TUBA3C: variants seen among roughly 807,000 people sequenced by gnomAD.
TUBA3C encodes the protein tubulin alpha 3c.
TUBA3C carries 23 observed loss-of-function variants against 33.4 expected under a neutral mutation model. The ratio of observed to expected loss-of-function variants is 0.69; its 90% CI spans 0.50 to 0.98. TUBA3C has a LOEUF of 0.98. TUBA3C is among the 50% of genes least tolerant of loss of function. TUBA3C has a pLI of 0.00. For synonymous variants in TUBA3C, 269 were observed against 250.4 expected (o/e 1.07, Z -0.70); for missense variants, 402 against 616.0 (o/e 0.65, Z 3.68).
chr13:19,179,980 G>A (rs1256594001), intron 1 of TUBA3C, among the ~76,000 whole-genome samples: 1 of 152,150 alleles, frequency 6.6e-6, no homozygotes, highest in Admixed American at 6.6e-5. Flanking sequence ...GGTCACTGTG[G>A]TCCAAGCCCA....
chr13:19,175,688 G>A (rs1180563343), intron 4 of TUBA3C, among the ~76,000 whole-genome samples: 1 of 152,202 alleles, frequency 6.6e-6, no homozygotes, highest in East Asian at 1.9e-4. Context: ...ACAGCAGAGT[G>A]GGGTAGGTGT....
At position 19,177,281 on chromosome 13, in the gene TUBA3C, G is replaced by A. The variant is rs142245280; in HGVS notation, c.702C>T (p.Ile234=). ...YTNLNRLIGQ[I]VSSITASLRF... ...GCAGGGAGGCCGTGATGGAGGACACGATCTGCCCAATCAGGCGATTGAGGT... is the reference window on the plus strand; with the variant it reads ...GCAGGGAGGCCGTGATGGAGGACACAATCTGCCCAATCAGGCGATTGAGGT... The change falls in exon 4 of 5, where the codon ATC becomes ATT. Residue 234 remains isoleucine, a synonymous_variant. Transcript: ENST00000400113. This position sits in a 1 kb window ranked among gnomAD's most constrained non-coding sequence, Gnocchi z 5.0. 6.2e-5 allele frequency: 100 copies of A among 1,614,122 alleles called. No homozygotes were observed. In the African/African-American group the frequency reaches 6.5e-4, roughly 11 times the overall value.
In TUBA3C at chr13:19,177,870, A is replaced by G. The variant is rs572073201; in HGVS notation, c.376-263T>C. ...TGTTTTTTTTTTTTTTTTTTTAGAT[A>G]GAATCTCACTCTGTTGCCCAGGCCG... is the stretch of plus-strand genomic sequence containing the variant. On this transcript the variant is annotated intron_variant, in intron 3 of 4. Transcript: ENST00000400113. The surrounding 1 kb of genome is among the most constrained non-coding windows in gnomAD (Gnocchi z 5.0). Among the ~76,000 whole-genome samples, 21 of 129,798 alleles carry G rather than the reference A, an allele frequency of 1.6e-4. No homozygotes were observed. The highest frequency in any genetic ancestry group is 5.5e-4 in the African/African-American group (20 of 36,666). 85.2% of individuals were successfully genotyped at this position (129,798 alleles called of 152,430 possible).
At chr13:19,181,383 C>G (rs1869411171) in intron 1 of TUBA3C, among the ~76,000 whole-genome samples, 2 of 152,158 alleles carry the variant, frequency 1.3e-5, no homozygotes, top group South Asian at 4.1e-4. Flanking sequence ...TGGGGCTCCT[C>G]AGTGGTTTCC....
chr13:19,181,472 C>T (rs17076886), intron 1 of TUBA3C, among the ~76,000 whole-genome samples: 12,277 of 152,164 alleles, frequency 0.081, 611 homozygotes, highest in African/African-American at 0.13. Flanking sequence ...ACTGTTTGCT[C>T]TCTGGGGGAC....
rs1869274754 is a variant in TUBA3C, at chr13:19,178,323, C to T, written c.298G>A (p.Ala100Thr). ...EQLITGKEDA[A>T]NNYARGHYTI... ...TAATGGCCTCTGGCGTAATTATTGG[C>T]CGCATCTTCCTTCCCGGTGATCAGC... The change falls in exon 3 of 5, where the codon GCC becomes ACC. Residue 100 changes from alanine to threonine, a missense_variant. Physicochemically the swap from Ala to Thr is moderately conservative, Grantham distance 58. Coordinates refer to ENST00000400113, the MANE Select transcript of TUBA3C (RefSeq NM_006001.3). The T allele has an allele frequency of 6.2e-7, 1 of 1,614,066 alleles. No homozygotes were observed. Among genetic ancestry groups the T allele is most frequent in the Non-Finnish European group, 8.5e-7 (1 of 1,180,042 alleles).
chr13:19,174,688 C>T (rs1014787043), intron 4 of TUBA3C, among the ~76,000 whole-genome samples: 3 of 152,156 alleles, frequency 2.0e-5, no homozygotes. Flanking sequence ...AAAACAGCAA[C>T]AGGTGCAGTG....
Position 19,178,232 on chromosome 13 carries a change from C to G in TUBA3C, c.375+14G>C, listed in dbSNP as rs767750955. 9.3e-6 allele frequency: 15 copies of G among 1,613,830 alleles called. No individual in the cohort carries two copies. The highest frequency in any genetic ancestry group is 1.3e-5 in the African/African-American group (1 of 74,932). On this transcript the variant is annotated intron_variant, in intron 3 of 4. Coordinates refer to ENST00000400113, the MANE Select transcript of TUBA3C (RefSeq NM_006001.3). Reference sequence around the variant, plus strand: ...TGTGCAGGACAATGGTCACATGAAGCCTTCTCTTCTTACCAGTTTGCGGAT... The same window carrying G: ...TGTGCAGGACAATGGTCACATGAAGGCTTCTCTTCTTACCAGTTTGCGGAT...
chr13:19,180,705 C>T (rs1041623039), intron 1 of TUBA3C, among the ~76,000 whole-genome samples: 1 of 151,966 alleles, frequency 6.6e-6, no homozygotes, highest in Non-Finnish European at 1.5e-5. Context: ...CCGTGTTAGC[C>T]AGGATGGTCT....
chr13:19,181,386 T>C (rs1278525506), intron 1 of TUBA3C, among the ~76,000 whole-genome samples: 1 of 152,116 alleles, frequency 6.6e-6, no homozygotes, highest in African/African-American at 2.4e-5. Context: ...GGCTCCTCAG[T>C]GGTTTCCAAT....
At position 19,177,524 on chromosome 13, in the gene TUBA3C, G is replaced by A. The variant is rs368363457; in HGVS notation, c.459C>T (p.Leu153=). 6.2e-7 allele frequency: 1 copy of A among 1,613,996 alleles called. No homozygotes were observed. ...GGTGSGFASL[L]MERLSVDYGK... ...CGTAATCCACTGAGAGCCGCTCCATGAGCAGAGATGCGAACCCAGAGCCAG... is the reference window on the plus strand; with the variant it reads ...CGTAATCCACTGAGAGCCGCTCCATAAGCAGAGATGCGAACCCAGAGCCAG... The change falls in exon 4 of 5, where the codon CTC becomes CTT. Residue 153 remains leucine, a synonymous_variant. Transcript: ENST00000400113. The surrounding 1 kb of genome is among the most constrained non-coding windows in gnomAD (Gnocchi z 5.0).
Position 19,177,401 on chromosome 13 carries a change from G to A in TUBA3C, c.582C>T (p.Thr194=). 8 of 1,614,144 alleles carry A rather than the reference G, an allele frequency of 5.0e-6. No individual in the cohort carries two copies. The highest frequency in any genetic ancestry group is 6.8e-6 in the Non-Finnish European group (8 of 1,180,028). The part of the protein sequence containing the change: ...PYNSILTTHT[T]LEHSDCAFMV... ...TGAAGGCACAGTCAGAATGTTCCAG[G>A]GTCGTGTGGGTGGTCAGGATGGAGT... The change falls in exon 4 of 5, where the codon ACC becomes ACT. Residue 194 remains threonine (T), a synonymous_variant. Transcript: ENST00000400113. The surrounding 1 kb of genome is among the most constrained non-coding windows in gnomAD (Gnocchi z 5.0).
At chr13:19,176,903 G>A (rs368713778) in intron 4 of TUBA3C, 24 bp downstream of exon 4, 2 of 1,609,582 alleles carry the variant, frequency 1.2e-6, no homozygotes, top group Admixed American at 1.7e-5. Flanking sequence ...AAAGGTACAA[G>A]GACTCCACAT....
chr13:19,178,596 T>C (rs1869286645), intron 2 of TUBA3C, among the ~76,000 whole-genome samples: 1 of 152,152 alleles, frequency 6.6e-6, no homozygotes, highest in African/African-American at 2.4e-5. Flanking sequence ...CAAACTGTGA[T>C]TTATGACTCT....
intron 1 of TUBA3C, 148 bp downstream of exon 1, chr13:19,181,597 G>A (rs36214102): frequency 8.7e-4 from 1,010 of 1,166,854 alleles, no homozygotes; most frequent in Middle Eastern, 1.3e-3. Flanking sequence ...CCGTGTCCTC[G>A]TGTCCCGCCC....
At chr13:19,176,888 T>G (rs1288678177) in intron 4 of TUBA3C, 39 bp downstream of exon 4, 2 of 1,596,308 alleles carry the variant, frequency 1.3e-6, no homozygotes, top group East Asian at 2.2e-5. Flanking sequence ...GTCTGTTGCT[T>G]GCTGAAAGGT....
rs933752367 is a variant in TUBA3C at position 19,174,143 on chromosome 13, T to C, written c.1073A>G (p.Gln358Arg). ...PTGFKVGINY[Q>R]PPTVVPGGDL... ...TCCCCCAGGGACCACCGTGGGGGGC[T>C]GGTAGTTAATGCCCACCTGCCGGAG... Residue 358 changes from glutamine to arginine, a missense_variant, in exon 5 of 5, where the codon CAG (glutamine) becomes CGG (arginine). Gln to Arg is a conservative substitution (Grantham distance 43). Transcript: ENST00000400113. 1.9e-6 allele frequency: 3 copies of C among 1,611,458 alleles called. No individual in the cohort carries two copies. The highest frequency in any genetic ancestry group is 2.5e-6 in the Non-Finnish European group (3 of 1,178,136).
rs11312319 is a variant in TUBA3C at position 19,174,433 on chromosome 13, ATTT to A, written c.1057-277_1057-275del. Among the ~76,000 whole-genome samples, 208 of 145,284 alleles carry A rather than the reference ATTT, an allele frequency of 1.4e-3. 1 individual carries two copies. The highest frequency in any genetic ancestry group is 4.4e-3 in the African/African-American group (175 of 39,684). On this transcript the variant is annotated intron_variant, in intron 4 of 4. Transcript: ENST00000400113. Reference sequence around the variant, plus strand: ...ACAGTCATGAGGCAGCATGCCCAGCATTTTTTTTTTTTTTTAAGAATAAGGTAT... The same window carrying A: ...ACAGTCATGAGGCAGCATGCCCAGCATTTTTTTTTTTTAAGAATAAGGTAT...
At chr13:19,174,956 A>G (rs947738299) in intron 4 of TUBA3C, among the ~76,000 whole-genome samples, 2 of 152,008 alleles carry the variant, frequency 1.3e-5, no homozygotes, top group African/African-American at 4.8e-5. Flanking sequence ...CCTGTCTCAA[A>G]AAAATTAAAA....
Sources: allele counts gnomAD v4.1 joint callset (sites outside exome capture counted in the v4.1 genomes callset), GRCh38; gene constraint gnomAD v4.1.1; non-coding constraint Gnocchi (gnomAD v3.1); transcripts MANE v1.5; gene names NCBI Gene and HGNC (gene_info 2026-07-23, HGNC 2026-07-21).